Variants in FAM83G observed in about 807,000 individuals in gnomAD.
The protein encoded by FAM83G is protein FAM83G.
In FAM83G, 38 loss-of-function variants were observed where a neutral mutation model predicts 61.5. The observed-to-expected ratio is 0.62, with a 90% CI of 0.48 to 0.81. The LOEUF is 0.81. Among genes scored for constraint, FAM83G ranks in the 30% least tolerant of loss-of-function variants. The pLI, the probability that FAM83G is intolerant of heterozygous loss-of-function variation, is 0.00. For synonymous variants in FAM83G, 470 were observed against 476.1 expected (o/e 0.99, Z 0.17); for missense variants, 989 against 1,133.6 (o/e 0.87, Z 1.83).
At chr17:18,984,483 C>T (rs1362112909) in intron 3 of FAM83G, among the ~76,000 whole-genome samples, 1 of 152,214 alleles carries the variant, frequency 6.6e-6, no homozygotes, top group Admixed American at 6.5e-5. Context: ...GCCTGTCCAG[C>T]GTGAGGCCTG....
intron 3 of FAM83G, 115 bp from the exon 4 acceptor site, chr17:18,979,788 A>G: frequency 1.7e-6 from 2 of 1,210,460 alleles, no homozygotes; most frequent in Middle Eastern, 2.7e-4. Context: ...TCAGGAGGGG[A>G]AGAAAGAGGC....
intron 4 of FAM83G, chr17:18,979,337 A>G (rs1388162102): frequency 1.6e-5 from 10 of 639,100 alleles, no homozygotes; most frequent in Non-Finnish European, 2.6e-5. Context: ...GGCCGGTGAC[A>G]TCTCCAAGCT....
intron 2 of FAM83G, among the ~76,000 whole-genome samples, chr17:19,001,695 G>A (rs2043732741): frequency 6.6e-6 from 1 of 152,254 alleles, no homozygotes. Context: ...TCATGGGACT[G>A]TACGGAGTGG....
chr17:18,973,297 A>G (rs1470419157), intron 5 of FAM83G, among the ~76,000 whole-genome samples: 1 of 152,200 alleles, frequency 6.6e-6, no homozygotes, highest in East Asian at 1.9e-4. Context: ...GAATCTGCAC[A>G]TGTCCTGGCC....
chr17:18,987,060 G>A (rs2043287973), intron 3 of FAM83G, among the ~76,000 whole-genome samples: 1 of 152,234 alleles, frequency 6.6e-6, no homozygotes, highest in South Asian at 2.1e-4. Context: ...GACTCAACCG[G>A]AGGCGTTGGG....
chr17:19,003,980 G>T lies in FAM83G; in HGVS notation c.62C>A (p.Ser21Tyr), dbSNP rs932419706. Residue 21 changes from serine to tyrosine, a missense_variant, in exon 2 of 6, where the codon TCC becomes TAC. Ser to Tyr is a moderately radical substitution (Grantham distance 144). This residue lies in a region of FAM83G where 371 missense variants were observed against 404.5 expected (regional missense o/e 0.92). Transcript: ENST00000388995. This position sits in a 1 kb window ranked among gnomAD's most constrained non-coding sequence, Gnocchi z 4.5. ...CTCGCTGTAGAAGAACTCAGGCTTG[G>T]ACTCGCTGGAGCGCCAGTTCACATG... ...DNHVNWRSSE[S>Y]KPEFFYSEEQ... 1.2e-6 allele frequency: 2 copies of T among 1,612,410 alleles called. No homozygotes were observed. The highest frequency in any genetic ancestry group is 1.3e-5 in the African/African-American group (1 of 74,918).
Position 19,003,391 on chromosome 17 carries a change from C to G in FAM83G, c.522+129G>C, listed in dbSNP as rs1211320452. The G allele has an allele frequency of 9.7e-7, 1 of 1,025,900 alleles. No individual in the cohort carries two copies. The highest frequency in any genetic ancestry group is 1.3e-6 in the Non-Finnish European group (1 of 767,558). 63.5% of individuals were successfully genotyped at this position (1,025,900 alleles called of 1,614,324 possible). On this transcript the variant is annotated intron_variant, in intron 2 of 5. Transcript: ENST00000388995. This position sits in a 1 kb window ranked among gnomAD's most constrained non-coding sequence, Gnocchi z 4.5. ...GAGGAAACCTCCACCCAAGAGGCAGCCAGGGAAAACAGCAGAGATCCCTAG... is the reference window on the plus strand; with the variant it reads ...GAGGAAACCTCCACCCAAGAGGCAGGCAGGGAAAACAGCAGAGATCCCTAG...
intron 3 of FAM83G, 31 bp from the exon 4 acceptor site, chr17:18,979,704 C>T (rs755153644): frequency 1.4e-5 from 23 of 1,611,318 alleles, no homozygotes; most frequent in Middle Eastern, 1.7e-4. Flanking sequence ...CAGAATTACA[C>T]GACTGCAACC....
chr17:18,983,130 C>T (rs1209391453), intron 3 of FAM83G, among the ~76,000 whole-genome samples: 1 of 152,238 alleles, frequency 6.6e-6, no homozygotes, highest in Non-Finnish European at 1.5e-5. Flanking sequence ...GGTTGGTGGG[C>T]TCAGGTAGGG....
chr17:18,977,529 G>C, intron 5 of FAM83G, 55 bp downstream of exon 5: 2 of 1,529,530 alleles, frequency 1.3e-6, no homozygotes, highest in Non-Finnish European at 1.8e-6. Flanking sequence ...TCGAGCTCTT[G>C]GGTGGCTGGC....
chr17:18,974,718 G>A (rs1380171823), intron 5 of FAM83G, among the ~76,000 whole-genome samples: 2 of 152,262 alleles, frequency 1.3e-5, no homozygotes, highest in South Asian at 2.1e-4. Context: ...GCCAGGGACA[G>A]GCTTGGCCGG....
At position 18,977,712 on chromosome 17, in the gene FAM83G, GGGCACTCA is replaced by G; in HGVS notation, c.1946_1953del (p.Leu649ProfsTer58). 6.2e-7 allele frequency: 1 copy of G among 1,610,056 alleles called. No homozygotes were observed. Among genetic ancestry groups the G allele is most frequent in the Non-Finnish European group, 8.5e-7 (1 of 1,179,180 alleles). On this transcript the variant is annotated frameshift_variant, in exon 5 of 6. Transcript: ENST00000388995. LOFTEE classifies it high-confidence loss of function. The stretch of plus-strand genomic sequence containing the variant: ...ACAAAGGTCCCTCGGGTTATATGGG[GGGCACTCA>G]GCTGCCGGCGCGGTGGTGGGGTTGG...
chr17:19,001,712 C>G (rs1280462347), intron 2 of FAM83G, among the ~76,000 whole-genome samples: 1 of 152,214 alleles, frequency 6.6e-6, no homozygotes, highest in East Asian at 1.9e-4. Context: ...GTGGCTGGGT[C>G]ACAGCTGTAG....
chr17:19,001,934 A>G (rs2043739123), intron 2 of FAM83G, among the ~76,000 whole-genome samples: 1 of 151,898 alleles, frequency 6.6e-6, no homozygotes, highest in Admixed American at 6.5e-5. Context: ...CAGTTTCCCT[A>G]TTTTCAAGAT....
At chr17:18,995,807 C>T (rs942534046) in intron 2 of FAM83G, among the ~76,000 whole-genome samples, 1 of 151,780 alleles carries the variant, frequency 6.6e-6, no homozygotes, top group African/African-American at 2.4e-5. Context: ...ACTTGGGAGG[C>T]TGAGGCAGGA....
intron 2 of FAM83G, among the ~76,000 whole-genome samples, chr17:18,990,226 C>G (rs1053445496): frequency 6.6e-6 from 1 of 152,136 alleles, no homozygotes; most frequent in African/African-American, 2.4e-5. Flanking sequence ...AGGAGATGTT[C>G]AAGGAAGGCC....
In FAM83G at chr17:18,969,379, G is replaced by A; in HGVS notation, c.*1980C>T. 1 of 1,613,816 alleles carries A rather than the reference G, an allele frequency of 6.2e-7. No individual in the cohort carries two copies. The highest frequency in any genetic ancestry group is 8.5e-7 in the Non-Finnish European group (1 of 1,180,032). ...CTGTAATCTACACGGACGCCCTGCA[G>A]ACGCTCATCATGGTGGTGGGGGCTG... is the stretch of plus-strand genomic sequence containing the variant. On this transcript the variant is annotated 3_prime_UTR_variant, in exon 6 of 6. Coordinates refer to ENST00000388995, the MANE Select transcript of FAM83G (RefSeq NM_001039999.3).
At chr17:19,001,989 G>C (rs1456582408) in intron 2 of FAM83G, among the ~76,000 whole-genome samples, 2 of 152,164 alleles carry the variant, frequency 1.3e-5, no homozygotes, top group African/African-American at 4.8e-5. Flanking sequence ...CTCTCTGTGG[G>C]GACTGGGTTC....
At chr17:18,992,202 C>T (rs146487182) in intron 2 of FAM83G, among the ~76,000 whole-genome samples, 118 of 152,300 alleles carry the variant, frequency 7.7e-4, no homozygotes, top group Non-Finnish European at 1.4e-3. Context: ...CCAGTGGATC[C>T]GCCGGCCTTC....
Sources: allele counts gnomAD v4.1 joint callset (sites outside exome capture counted in the v4.1 genomes callset), GRCh38; gene constraint gnomAD v4.1.1; regional missense constraint gnomAD v4.1.1; non-coding constraint Gnocchi (gnomAD v3.1); transcripts MANE v1.5; gene names NCBI Gene and HGNC (gene_info 2026-07-23, HGNC 2026-07-21).